Variants in LHFPL6 observed in about 807,000 individuals in gnomAD.
The protein encoded by LHFPL6 is LHFPL tetraspan subfamily member 6 protein.
A neutral mutation model predicts 20.6 loss-of-function variants in LHFPL6; 9 were observed. The ratio of observed to expected loss-of-function variants is 0.44; its 90% CI spans 0.26 to 0.76. LHFPL6 has a LOEUF of 0.76. LHFPL6 is among the 30% of genes least tolerant of loss of function. The pLI, the probability that LHFPL6 is intolerant of heterozygous loss-of-function variation, is 0.20. For missense variants in LHFPL6, 218 were observed against 253.5 expected, an observed-to-expected ratio of 0.86 and a Z score of 0.95; for synonymous variants, 105 against 98.7, an observed-to-expected ratio of 1.06 and a Z score of -0.38.
intron 3 of LHFPL6, among the ~76,000 whole-genome samples, chr13:39,357,298 C>T (rs2138341908): frequency 6.6e-6 from 1 of 152,270 alleles, no homozygotes; most frequent in South Asian, 2.1e-4. Flanking sequence ...TGTACCAATT[C>T]TAATGCATGA....
chr13:39,466,479 T>C (rs777136180), intron 2 of LHFPL6, among the ~76,000 whole-genome samples: 15 of 152,316 alleles, frequency 9.8e-5, no homozygotes, highest in South Asian at 2.1e-4. Flanking sequence ...ATATAGAAGA[T>C]TTGAAGCACC....
At chr13:39,573,196 T>TA (rs1329984208) in intron 2 of LHFPL6, among the ~76,000 whole-genome samples, 1 of 152,180 alleles carries the variant, frequency 6.6e-6, no homozygotes, top group East Asian at 1.9e-4. Context: ...CCTATCAAAA[T>TA]AGGTGAAAAT....
intron 3 of LHFPL6, among the ~76,000 whole-genome samples, chr13:39,350,445 G>C (rs967819367): frequency 6.6e-6 from 1 of 152,056 alleles, no homozygotes; most frequent in Admixed American, 6.5e-5. Context: ...TACAGTCATA[G>C]AAAAAAAGTG....
At chr13:39,453,503 T>C (rs539562077) in intron 2 of LHFPL6, among the ~76,000 whole-genome samples, 38 of 152,356 alleles carry the variant, frequency 2.5e-4, no homozygotes, top group African/African-American at 8.9e-4. Flanking sequence ...GTTTTTATAA[T>C]GTTGAGATTT....
intron 2 of LHFPL6, among the ~76,000 whole-genome samples, chr13:39,390,888 T>C (rs1262590532): frequency 6.6e-6 from 1 of 152,060 alleles, no homozygotes; most frequent in Non-Finnish European, 1.5e-5. Flanking sequence ...TCCCAGCTTC[T>C]GGGAGGGCTG....
At chr13:39,417,956 G>GAGAGAA (rs1350005315) in intron 2 of LHFPL6, among the ~76,000 whole-genome samples, 1 of 152,156 alleles carries the variant, frequency 6.6e-6, no homozygotes, top group Non-Finnish European at 1.5e-5. Context: ...ATTATGTGGG[G>GAGAGAA]AGAGAAAGAG....
intron 2 of LHFPL6, among the ~76,000 whole-genome samples, chr13:39,498,712 A>C (rs1869180121): frequency 6.6e-6 from 1 of 152,236 alleles, no homozygotes; most frequent in Non-Finnish European, 1.5e-5. Flanking sequence ...TCTCTGTGCT[A>C]ACAATTCAAG....
intron 2 of LHFPL6, among the ~76,000 whole-genome samples, chr13:39,392,333 G>A (rs1262566046): frequency 1.3e-5 from 2 of 152,198 alleles, no homozygotes; most frequent in Non-Finnish European, 2.9e-5. Context: ...GGTGGCTCAT[G>A]CCTGCAATCC....
At chr13:39,371,366 A>G (rs1469601067) in intron 3 of LHFPL6, among the ~76,000 whole-genome samples, 1 of 152,210 alleles carries the variant, frequency 6.6e-6, no homozygotes, top group Non-Finnish European at 1.5e-5. Flanking sequence ...CAATTGGATA[A>G]CCTGATTATA....
intron 2 of LHFPL6, among the ~76,000 whole-genome samples, chr13:39,422,550 C>T (rs550927640): frequency 2.9e-5 from 4 of 137,526 alleles, no homozygotes; most frequent in African/African-American, 8.2e-5. Context: ...GGTGCCATTG[C>T]ATTCCATCCT....
chr13:39,419,165 C>T (rs1871420939), intron 2 of LHFPL6, among the ~76,000 whole-genome samples: 2 of 152,182 alleles, frequency 1.3e-5, no homozygotes, highest in Admixed American at 6.5e-5. Flanking sequence ...CCAGAACAGG[C>T]TGCACTCCCT....
intron 2 of LHFPL6, among the ~76,000 whole-genome samples, chr13:39,434,575 T>A (rs1871904635): frequency 6.6e-6 from 1 of 152,196 alleles, no homozygotes; most frequent in Non-Finnish European, 1.5e-5. Flanking sequence ...AACATTGCAA[T>A]GTTACTACCC....
At chr13:39,528,231 T>C (rs1204439960) in intron 2 of LHFPL6, among the ~76,000 whole-genome samples, 1 of 152,186 alleles carries the variant, frequency 6.6e-6, no homozygotes, top group Non-Finnish European at 1.5e-5. Context: ...GTTCTAGTCC[T>C]CTACCGTCTC....
At chr13:39,363,676 T>G (rs1325818674) in intron 3 of LHFPL6, among the ~76,000 whole-genome samples, 3 of 152,158 alleles carry the variant, frequency 2.0e-5, no homozygotes, top group Non-Finnish European at 4.4e-5. Flanking sequence ...AGTCCTATTC[T>G]TTGTTTATAA....
rs73451025 is a variant in LHFPL6 at position 39,360,705 on chromosome 13, G to A, written c.485-16651C>T. On this transcript the variant is annotated intron_variant, in intron 3 of 3. Coordinates refer to ENST00000379589, the MANE Select transcript of LHFPL6 (RefSeq NM_005780.3). ...GAGGGCAATGACCAGCTGTTCAAAC[G>A]CTAAGCTCAAATAGGAGCACATGTT... Among the ~76,000 whole-genome samples, 559 of 90,650 alleles carry A rather than the reference G, an allele frequency of 6.2e-3. 139 individuals carry two copies. The highest frequency in any genetic ancestry group is 0.017 in the African/African-American group (536 of 30,966). The allele number at this position is 90,650 out of a possible 152,430, so 59.5% of individuals were successfully genotyped here.
At chr13:39,353,880 C>T (rs1402316449) in intron 3 of LHFPL6, among the ~76,000 whole-genome samples, 1 of 152,182 alleles carries the variant, frequency 6.6e-6, no homozygotes, top group African/African-American at 2.4e-5. Flanking sequence ...TGAGGTGCTG[C>T]ACACATGCAT....
chr13:39,541,586 A>G (rs1450952394), intron 2 of LHFPL6, among the ~76,000 whole-genome samples: 1 of 152,158 alleles, frequency 6.6e-6, no homozygotes, highest in South Asian at 2.1e-4. Flanking sequence ...AGACTTTACT[A>G]ATTACTCCAG....
chr13:39,578,152 A>AT (rs1872174514), intron 2 of LHFPL6, among the ~76,000 whole-genome samples: 1 of 152,140 alleles, frequency 6.6e-6, no homozygotes, highest in African/African-American at 2.4e-5. Flanking sequence ...ATCACTGGAA[A>AT]TTTCTCTTTT....
chr13:39,439,646 G>A (rs1397893470), intron 2 of LHFPL6, among the ~76,000 whole-genome samples: 1 of 152,114 alleles, frequency 6.6e-6, no homozygotes, highest in East Asian at 1.9e-4. Flanking sequence ...TGGATCATGG[G>A]GGCAGTTTCT....
Sources: allele counts gnomAD v4.1 joint callset (sites outside exome capture counted in the v4.1 genomes callset), GRCh38; gene constraint gnomAD v4.1.1; transcripts MANE v1.5; gene names NCBI Gene and HGNC (gene_info 2026-07-23, HGNC 2026-07-21).